The following PELI2 variants were observed in gnomAD, a reference collection of about 807,000 sequenced individuals.
PELI2 encodes the protein E3 ubiquitin-protein ligase pellino homolog 2.
A neutral mutation model predicts 42.3 loss-of-function variants in PELI2; 23 were observed. The ratio of observed to expected loss-of-function variants is 0.54; its 90% CI spans 0.39 to 0.77. The LOEUF (loss-of-function observed/expected upper bound fraction) is 0.77, where lower values mean the gene tolerates loss of function less well. PELI2 is among the 30% of genes least tolerant of loss of function. PELI2 has a pLI of 0.00. For synonymous variants in PELI2, 245 were observed against 212.2 expected (o/e 1.15, Z -1.34); for missense variants, 463 against 553.2 (o/e 0.84, Z 1.64).
At chr14:56,287,613 G>A (rs907687794) in intron 3 of PELI2, among the ~76,000 whole-genome samples, 10 of 152,166 alleles carry the variant, frequency 6.6e-5, no homozygotes, top group Admixed American at 3.3e-4. Flanking sequence ...CAGCAGTTTA[G>A]TTCATTCCAG....
intron 5 of PELI2, among the ~76,000 whole-genome samples, chr14:56,292,009 G>T (rs1001523865): frequency 8.5e-5 from 13 of 152,212 alleles, no homozygotes; most frequent in African/African-American, 1.2e-4. Context: ...GCTGGAGTCC[G>T]TGGGGAGCGC....
chr14:56,276,814 G>T (rs1198482286), intron 2 of PELI2, among the ~76,000 whole-genome samples: 1 of 87,374 alleles, frequency 1.1e-5, no homozygotes, highest in Non-Finnish European at 2.9e-5. Context: ...CTGGCCATTT[G>T]CCTTAAGCAA....
At chr14:56,139,450 A>G (rs374930585) in intron 1 of PELI2, among the ~76,000 whole-genome samples, 4 of 152,238 alleles carry the variant, frequency 2.6e-5, no homozygotes, top group East Asian at 3.9e-4. Context: ...TTGTTGCGCT[A>G]TGACAGTTCA....
chr14:56,285,601 GT>G (rs754389228), intron 3 of PELI2, among the ~76,000 whole-genome samples: 1 of 152,116 alleles, frequency 6.6e-6, no homozygotes, highest in Non-Finnish European at 1.5e-5. Context: ...TTAGTACCAG[GT>G]AGAGATGGAC....
intron 1 of PELI2, among the ~76,000 whole-genome samples, chr14:56,173,082 G>A (rs1348067201): frequency 6.6e-6 from 1 of 152,090 alleles, no homozygotes; most frequent in Non-Finnish European, 1.5e-5. Flanking sequence ...AGGCCCCAGG[G>A]TTATAATTTC....
At chr14:56,179,473 TAGG>T (rs1270415484) in intron 2 of PELI2, among the ~76,000 whole-genome samples, 1 of 152,186 alleles carries the variant, frequency 6.6e-6, no homozygotes, top group Non-Finnish European at 1.5e-5. Flanking sequence ...AAGAATTTGT[TAGG>T]AGGTGCCAAT....
chr14:56,202,786 A>G (rs1566634817), intron 2 of PELI2, among the ~76,000 whole-genome samples: 1 of 152,100 alleles, frequency 6.6e-6, no homozygotes, highest in African/African-American at 2.4e-5. Context: ...AACATCTTTA[A>G]CCAGAATCTG....
chr14:56,197,609 A>G lies in PELI2; in HGVS notation c.207+19145A>G, dbSNP rs556633019. On this transcript the variant is annotated intron_variant, in intron 2 of 5. Transcript: ENST00000267460. This position sits in a 1 kb window ranked among gnomAD's most constrained non-coding sequence, Gnocchi z 4.9. ...AAATGAAGTGGCTTAGACTAGTGTAATGGTTAATTGTATGTGTTAACTTGG... is the reference window on the plus strand; with the variant it reads ...AAATGAAGTGGCTTAGACTAGTGTAGTGGTTAATTGTATGTGTTAACTTGG... Among the ~76,000 whole-genome samples, 10 of 152,270 alleles carry G rather than the reference A, an allele frequency of 6.6e-5. No homozygotes were observed. The highest frequency in any genetic ancestry group is 1.7e-4 in the African/African-American group (7 of 41,548).
intron 1 of PELI2, among the ~76,000 whole-genome samples, chr14:56,162,541 T>A (rs1884803835): frequency 6.6e-6 from 1 of 152,240 alleles, no homozygotes; most frequent in African/African-American, 2.4e-5. Context: ...CTTCCAAATC[T>A]TAGCTCTTGT....
At chr14:56,232,772 G>A (rs1390230932) in intron 2 of PELI2, among the ~76,000 whole-genome samples, 2 of 127,082 alleles carry the variant, frequency 1.6e-5, no homozygotes, top group Non-Finnish European at 1.8e-5. Context: ...AGTCAGGCAG[G>A]AGAAAGAAAT....
intron 2 of PELI2, among the ~76,000 whole-genome samples, chr14:56,225,462 A>C (rs781570743): frequency 2.0e-5 from 3 of 152,194 alleles, no homozygotes; most frequent in Non-Finnish European, 4.4e-5. Context: ...GGCTGGTACC[A>C]CACCAAGTCC....
chr14:56,162,943 A>G (rs1318904556), intron 1 of PELI2, among the ~76,000 whole-genome samples: 1 of 128,650 alleles, frequency 7.8e-6, no homozygotes, highest in Non-Finnish European at 1.8e-5. Context: ...TTTTGATGGG[A>G]TTGTTAGATT....
At chr14:56,262,158 T>G (rs1370311406) in intron 2 of PELI2, among the ~76,000 whole-genome samples, 2 of 152,260 alleles carry the variant, frequency 1.3e-5, no homozygotes, top group African/African-American at 4.8e-5. Flanking sequence ...GGCAAAATCC[T>G]AAGGCAAATC....
At chr14:56,189,512 A>G (rs1885885109) in intron 2 of PELI2, among the ~76,000 whole-genome samples, 1 of 152,220 alleles carries the variant, frequency 6.6e-6, no homozygotes, top group African/African-American at 2.4e-5. Flanking sequence ...CCCTGCTGGT[A>G]GTAATAAAGT....
At chr14:56,277,060 T>A (rs1303356538) in intron 2 of PELI2, among the ~76,000 whole-genome samples, 1 of 152,186 alleles carries the variant, frequency 6.6e-6, no homozygotes, top group Non-Finnish European at 1.5e-5. Context: ...CTTACAATAA[T>A]TTGTGTCCAG....
rs1244993409 is a variant in PELI2, at chr14:56,300,311, TATGTCAG to T, written c.*3147_*3153del. On this transcript the variant is annotated 3_prime_UTR_variant, in exon 6 of 6. Transcript: ENST00000267460. ...AGACTAATGAATCTGGATGCAGAAA[TATGTCAG>T]AAACTGGCATAAACATGATTGTAGT... The T allele has an allele frequency of 1.3e-5, 2 of 152,608 alleles. No individual in the cohort carries two copies. The highest frequency in any genetic ancestry group is 2.9e-5 in the Non-Finnish European group (2 of 68,024). The allele number at this position is 152,608 out of a possible 1,614,324, so 9.5% of individuals were successfully genotyped here. A position where few individuals can be genotyped will look rare whatever the true frequency, so the allele number is the denominator to read the frequency against.
intron 2 of PELI2, among the ~76,000 whole-genome samples, chr14:56,236,088 A>T (rs904395676): frequency 5.9e-5 from 9 of 152,192 alleles, no homozygotes; most frequent in African/African-American, 1.9e-4. Context: ...CACTTAAAAA[A>T]TTTTTGTTTT....
chr14:56,140,715 A>G (rs906646493), intron 1 of PELI2, among the ~76,000 whole-genome samples: 2 of 152,208 alleles, frequency 1.3e-5, no homozygotes, highest in Admixed American at 6.5e-5. Flanking sequence ...CTTTATCCCA[A>G]GGACTTAATA....
chr14:56,291,398 G>C (rs1035079258), intron 5 of PELI2, among the ~76,000 whole-genome samples: 3 of 152,136 alleles, frequency 2.0e-5, no homozygotes, highest in Non-Finnish European at 4.4e-5. Context: ...TTCTCTACTG[G>C]ATGTTTGTGT....
Sources: allele counts gnomAD v4.1 joint callset (sites outside exome capture counted in the v4.1 genomes callset), GRCh38; gene constraint gnomAD v4.1.1; non-coding constraint Gnocchi (gnomAD v3.1); transcripts MANE v1.5; gene names NCBI Gene and HGNC (gene_info 2026-07-23, HGNC 2026-07-21).